RHOJ: variants seen among roughly 807,000 people sequenced by gnomAD.
RHOJ encodes the protein rho-related GTP-binding protein RhoJ.
RHOJ carries 11 observed loss-of-function variants against 23.4 expected under a neutral mutation model. That is an observed-to-expected ratio of 0.47 (90% CI 0.30 to 0.78). The LOEUF (loss-of-function observed/expected upper bound fraction) is 0.78. RHOJ is among the 30% of genes least tolerant of loss of function. RHOJ has a pLI of 0.08. For synonymous variants in RHOJ, 102 were observed against 102.7 expected (o/e 0.99, Z 0.04); for missense variants, 254 against 273.4 (o/e 0.93, Z 0.50).
chr14:63,220,166 T>C (rs28695215), intron 1 of RHOJ, among the ~76,000 whole-genome samples: 5,121 of 152,278 alleles, frequency 0.034, 156 homozygotes, highest in African/African-American at 0.079. Flanking sequence ...GCAATGTCTA[T>C]CAAATCTACA....
intron 1 of RHOJ, among the ~76,000 whole-genome samples, chr14:63,240,473 A>G (rs1056844616): frequency 6.6e-6 from 1 of 152,214 alleles, no homozygotes; most frequent in African/African-American, 2.4e-5. Flanking sequence ...TTGCTGGTTG[A>G]TTGATCTCAG....
rs150626150 is a variant in RHOJ at position 63,270,795 on chromosome 14, CCT to C, written c.237+1634_237+1635del. On this transcript the variant is annotated intron_variant, in intron 2 of 4. Transcript: ENST00000316754. ...CAATGATTATGTCATGACTCGGAAA[CCT>C]CTCTCTGGTCCCTCTGGCTTCCGAA... Among the ~76,000 whole-genome samples, 340 of 152,280 alleles carry C rather than the reference CCT, an allele frequency of 2.2e-3. 1 individual carries two copies. The highest frequency in any genetic ancestry group is 7.7e-3 in the African/African-American group (319 of 41,552).
At chr14:63,230,715 A>C (rs1194938164) in intron 1 of RHOJ, among the ~76,000 whole-genome samples, 2 of 150,352 alleles carry the variant, frequency 1.3e-5, no homozygotes, top group African/African-American at 4.9e-5. Context: ...ACACACACAC[A>C]CACATACACA....
chr14:63,213,694 A>G (rs1894289932), intron 1 of RHOJ, among the ~76,000 whole-genome samples: 1 of 152,186 alleles, frequency 6.6e-6, no homozygotes. Context: ...TTGGTCATAT[A>G]AGAGACCTTG....
At chr14:63,246,726 A>G (rs1001383799) in intron 1 of RHOJ, among the ~76,000 whole-genome samples, 1 of 152,194 alleles carries the variant, frequency 6.6e-6, no homozygotes, top group African/African-American at 2.4e-5. Flanking sequence ...AACAGTATGT[A>G]GAGTAAGAAA....
chr14:63,226,547 TAAATA>T (rs1312269459), intron 1 of RHOJ, among the ~76,000 whole-genome samples: 23 of 150,314 alleles, frequency 1.5e-4, no homozygotes, highest in African/African-American at 4.8e-4. Context: ...AAACAATATA[TAAATA>T]AAATAAAATA....
At chr14:63,227,708 G>A (rs141526686) in intron 1 of RHOJ, among the ~76,000 whole-genome samples, 1 of 152,148 alleles carries the variant, frequency 6.6e-6, no homozygotes, top group Non-Finnish European at 1.5e-5. Context: ...GGGGACTTTC[G>A]CAGAAGAAAA....
chr14:63,258,163 G>T lies in RHOJ; in HGVS notation c.179-10947G>T, dbSNP rs377691121. Among the ~76,000 whole-genome samples the T allele has an allele frequency of 1.6e-4, 22 of 133,956 alleles. 3 individuals are homozygous for T. The East Asian group carries it at 4.8e-3, about 29-fold the overall frequency. The allele number at this position is 133,956 out of a possible 152,430, so 87.9% of individuals were successfully genotyped here. A position where few individuals can be genotyped will look rare whatever the true frequency, so the allele number is the denominator to read the frequency against. ...GAATCGCTTGAACCCGGGAGGTGGA[G>T]GTTGCAGTGAGCCAAGATCACGCCA... On this transcript the variant is annotated intron_variant, in intron 1 of 4. Coordinates refer to ENST00000316754, the MANE Select transcript of RHOJ (RefSeq NM_020663.5).
chr14:63,228,629 A>G (rs1238989859), intron 1 of RHOJ, among the ~76,000 whole-genome samples: 1 of 142,990 alleles, frequency 7.0e-6, no homozygotes, highest in African/African-American at 2.5e-5. Flanking sequence ...ATATGTGGTT[A>G]AAAAAAAAAA....
At chr14:63,256,016 G>A (rs1280584702) in intron 1 of RHOJ, among the ~76,000 whole-genome samples, 1 of 152,016 alleles carries the variant, frequency 6.6e-6, no homozygotes, top group African/African-American at 2.4e-5. Context: ...GTACAGGCAC[G>A]TGCCACCTGG....
chr14:63,261,834 A>G (rs1055945393), intron 1 of RHOJ, among the ~76,000 whole-genome samples: 4 of 152,184 alleles, frequency 2.6e-5, no homozygotes, highest in Non-Finnish European at 2.9e-5. Flanking sequence ...CCAATGAGTT[A>G]ATAAATCTTT....
chr14:63,252,419 A>G (rs1156359450), intron 1 of RHOJ, among the ~76,000 whole-genome samples: 1 of 152,224 alleles, frequency 6.6e-6, no homozygotes, highest in African/African-American at 2.4e-5. Context: ...AGAACTGTCT[A>G]CTGATTCAGT....
intron 4 of RHOJ, chr14:63,288,399 C>A: frequency 1.1e-6 from 1 of 928,464 alleles, no homozygotes; most frequent in Non-Finnish European, 1.3e-6. Context: ...GAGAGGTATT[C>A]CAGATAGAAA....
At chr14:63,261,184 C>A (rs971610451) in intron 1 of RHOJ, among the ~76,000 whole-genome samples, 1 of 151,918 alleles carries the variant, frequency 6.6e-6, no homozygotes, top group African/African-American at 2.4e-5. Context: ...TGTTAATTTG[C>A]CCTTTATATT....
rs374548088 is a variant in RHOJ at position 63,243,053 on chromosome 14, G to A, written c.179-26057G>A. 2.3e-4 allele frequency among the ~76,000 whole-genome samples: 35 copies of A among 152,146 alleles called. 1 individual carries two copies. In the East Asian group the frequency reaches 4.6e-3, roughly 20 times the overall value. ...TGTAGGCATAGGAAAGTGGACAAGCGGTACTTGCACCTTCTCATAACTTTT... is the reference window on the plus strand; with the variant it reads ...TGTAGGCATAGGAAAGTGGACAAGCAGTACTTGCACCTTCTCATAACTTTT... On this transcript the variant is annotated intron_variant, in intron 1 of 4. Coordinates refer to ENST00000316754, the MANE Select transcript of RHOJ (RefSeq NM_020663.5).
intron 1 of RHOJ, among the ~76,000 whole-genome samples, chr14:63,217,066 G>A (rs909188644): frequency 3.5e-5 from 4 of 113,006 alleles, no homozygotes; most frequent in South Asian, 4.0e-4. Context: ...ATTCTTTCCC[G>A]CTTTTTTTTT....
intron 1 of RHOJ, among the ~76,000 whole-genome samples, chr14:63,264,181 C>T (rs532852661): frequency 6.6e-6 from 1 of 152,192 alleles, no homozygotes; most frequent in East Asian, 1.9e-4. Context: ...TTTCTCCCTC[C>T]CCACTCTAGT....
chr14:63,269,273 G>A, intron 2 of RHOJ, 105 bp downstream of exon 2: 1 of 731,826 alleles, frequency 1.4e-6, no homozygotes, highest in Non-Finnish European at 2.3e-6. Flanking sequence ...TACCCATTCT[G>A]ATCATTTGGG....
At chr14:63,275,860 GA>G (rs1014131461) in intron 2 of RHOJ, among the ~76,000 whole-genome samples, 1 of 152,134 alleles carries the variant, frequency 6.6e-6, no homozygotes, top group African/African-American at 2.4e-5. Context: ...GCTCCCTTGT[GA>G]AAAAATATTA....
Sources: gnomAD v4.1 joint callset for allele counts (sites outside exome capture counted in the v4.1 genomes callset) on GRCh38, gnomAD v4.1.1 for gene constraint, MANE v1.5 for transcripts, NCBI Gene and HGNC (gene_info 2026-07-23, HGNC 2026-07-21) for gene names.